MED23: variants seen among roughly 807,000 people sequenced by gnomAD.
MED23 encodes mediator of RNA polymerase II transcription subunit 23.
MED23 carries 105 observed loss-of-function variants against 163.9 expected under a neutral mutation model. That is an observed-to-expected ratio of 0.64 (90% CI 0.55 to 0.75). MED23 has a LOEUF of 0.75. MED23 is among the 30% of genes least tolerant of loss of function. The pLI is 0.00. For synonymous variants in MED23, 561 were observed against 565.6 expected, an observed-to-expected ratio of 0.99 and a Z score of 0.12; for missense variants, 1,054 against 1,649.0, an observed-to-expected ratio of 0.64 and a Z score of 6.25.
At chr6:131,581,542 G>A (rs1562359311) in intron 30 of MED23, among the ~76,000 whole-genome samples, 2 of 152,144 alleles carry the variant, frequency 1.3e-5, no homozygotes, top group Non-Finnish European at 2.9e-5. Flanking sequence ...AGGCAGTGAG[G>A]CTCTCTATCT....
chr6:131,591,477 G>A lies in MED23; in HGVS notation c.3522C>T (p.Ser1174=), dbSNP rs1321971937. The A allele has an allele frequency of 6.2e-7, 1 of 1,613,868 alleles. No individual in the cohort carries two copies. Among genetic ancestry groups the A allele is most frequent in the Non-Finnish European group, 8.5e-7 (1 of 1,179,838 alleles). Reference sequence around the variant, plus strand: ...ACTCTGTTTCAGACGTCAAGCTGGGGCTGCTGATGACACTCACAATTCGAT... The same window carrying A: ...ACTCTGTTTCAGACGTCAAGCTGGGACTGCTGATGACACTCACAATTCGAT... ...LHDRIVSVIS[S]PSLTSETEWV... Residue 1174 remains serine (S), a synonymous_variant, in exon 26 of 29, where the codon AGC becomes AGT. Coordinates refer to ENST00000368068, the MANE Select transcript of MED23 (RefSeq NM_004830.4).
At chr6:131,615,354 A>T (rs1316166923) in intron 10 of MED23, 1 of 1,610,962 alleles carries the variant, frequency 6.2e-7, no homozygotes, top group African/African-American at 1.3e-5. Flanking sequence ...AGAGCATTGG[A>T]GGATGGGCAG....
At chr6:131,586,260 C>T (rs192597623), downstream of MED23, among the ~76,000 whole-genome samples, 164 of 152,002 alleles carry the variant, frequency 1.1e-3, no homozygotes, top group African/African-American at 3.5e-3. Context: ...ATTAGCCAGG[C>T]GTGGTGGCAG....
At chr6:131,583,832 C>G, downstream of MED23, 1 of 1,614,160 alleles carries the variant, frequency 6.2e-7, no homozygotes, top group Non-Finnish European at 8.5e-7. Context: ...ACAGCAGTTG[C>G]AATAACCTTG....
intron 12 of MED23, among the ~76,000 whole-genome samples, chr6:131,607,039 TAAGA>T (rs1775902045): frequency 6.6e-6 from 1 of 152,066 alleles, no homozygotes. Context: ...GATAAAAATC[TAAGA>T]AATACGCAAC....
chr6:131,587,920 C>T (rs759012896), intron 28 of MED23, 74 bp from the exon 29 acceptor site: 1 of 1,311,178 alleles, frequency 7.6e-7, no homozygotes, highest in Non-Finnish European at 1.1e-6. Context: ...GCAGGATTTA[C>T]ACATATCCGG....
At chr6:131,579,439 T>C (rs1350143725) in intron 30 of MED23, 1 of 766,928 alleles carries the variant, frequency 1.3e-6, no homozygotes, top group Non-Finnish European at 2.0e-6. Flanking sequence ...AGGTTACTTT[T>C]ATTATAGAAA....
At chr6:131,617,018 AAC>A (rs1776740789) in intron 9 of MED23, among the ~76,000 whole-genome samples, 2 of 151,894 alleles carry the variant, frequency 1.3e-5, no homozygotes, top group East Asian at 3.9e-4. Context: ...AAGTAGATGA[AAC>A]AGTGATAAGC....
intron 30 of MED23, chr6:131,574,372 T>A: frequency 6.5e-7 from 1 of 1,542,170 alleles, no homozygotes; most frequent in Non-Finnish European, 9.0e-7. Context: ...CTACTTTGCT[T>A]CCCCTGGAAA....
At chr6:131,625,329 T>C (rs778689805) in intron 3 of MED23, among the ~76,000 whole-genome samples, 2 of 152,224 alleles carry the variant, frequency 1.3e-5, no homozygotes, top group Non-Finnish European at 2.9e-5. Context: ...CTTTATGGCA[T>C]ATATAAATAT....
intron 1 of MED23, 124 bp from the exon 2 acceptor site, chr6:131,627,796 G>A (rs974470713): frequency 4.4e-5 from 46 of 1,054,538 alleles, no homozygotes; most frequent in Non-Finnish European, 6.4e-5. Context: ...ATCAATACCT[G>A]TCTGGCCTGT....
At position 131,598,224 on chromosome 6, in the gene MED23, T is replaced by C; in HGVS notation, c.2607+63A>G. 6.8e-7 allele frequency: 1 copy of C among 1,459,916 alleles called. No individual in the cohort carries two copies. Among genetic ancestry groups the C allele is most frequent in the Non-Finnish European group, 9.6e-7 (1 of 1,041,176 alleles). The allele number at this position is 1,459,916 out of a possible 1,614,324, so 90.4% of individuals were successfully genotyped here. On this transcript the variant is annotated intron_variant, in intron 20 of 28. Transcript: ENST00000368068. This position sits in a 1 kb window ranked among gnomAD's most constrained non-coding sequence, Gnocchi z 4.7. ...CAAAGCAATATAGAGCAGATTGGCA[T>C]AACATATATTAGTCATACATCTTGA...
chr6:131,609,733 C>CATATATATATATGT (rs200268696), intron 11 of MED23, among the ~76,000 whole-genome samples: 1 of 144,728 alleles, frequency 6.9e-6, no homozygotes, highest in Admixed American at 7.0e-5. Flanking sequence ...TATACACATA[C>CATATATATATATGT]ATATATATAT....
chr6:131,623,236 TAGAC>T (rs1777238250), intron 5 of MED23, 111 bp downstream of exon 5: 2 of 884,628 alleles, frequency 2.3e-6, no homozygotes, highest in Middle Eastern at 4.5e-4. Context: ...CCACAAGAAA[TAGAC>T]AGATTTTGTA....
At chr6:131,595,558 A>G (rs1774983357) in intron 22 of MED23, among the ~76,000 whole-genome samples, 1 of 152,306 alleles carries the variant, frequency 6.6e-6, no homozygotes, top group South Asian at 2.1e-4. Context: ...AGAATTTTCA[A>G]TTCAACCCAA....
Position 131,598,593 on chromosome 6 carries a change from G to C in MED23, c.2389C>G (p.Leu797Val). The C allele has an allele frequency of 6.2e-7, 1 of 1,614,124 alleles. No individual in the cohort carries two copies. Among genetic ancestry groups the C allele is most frequent in the East Asian group, 2.2e-5 (1 of 44,860 alleles). The change falls in exon 19 of 29, where the codon CTC becomes GTC. Residue 797 changes from leucine (L) to valine (V), a missense_variant. Physicochemically the swap from Leu to Val is conservative, Grantham distance 32. Around this residue, in one of 11 missense-constraint regions of MED23, gnomAD observed 228 missense variants for 461.3 expected, o/e 0.49. Transcript: ENST00000368068. This position sits in a 1 kb window ranked among gnomAD's most constrained non-coding sequence, Gnocchi z 4.7. ...PLFLCLLWKM[L>V]LETDHINQIG... Reference sequence around the variant, plus strand: ...TGATTAATATGATCTGTTTCCAAGAGCATTTTCCAGAGAAGACAAAGAAAG... The same window carrying C: ...TGATTAATATGATCTGTTTCCAAGACCATTTTCCAGAGAAGACAAAGAAAG...
intron 30 of MED23, among the ~76,000 whole-genome samples, chr6:131,580,941 C>T (rs540865287): frequency 1.3e-4 from 20 of 152,180 alleles, no homozygotes; most frequent in African/African-American, 4.8e-4. Context: ...TTTTTGGCTA[C>T]GCTCTAATCG....
chr6:131,592,029 A>G (rs1293559827), intron 25 of MED23: 2 of 261,022 alleles, frequency 7.7e-6, no homozygotes, highest in Middle Eastern at 1.3e-3. Flanking sequence ...AAGTACCTAA[A>G]ACATGTCTTA....
At chr6:131,583,267 A>ACTT (rs1774031650), downstream of MED23, 6 of 1,605,960 alleles carry the variant, frequency 3.7e-6, no homozygotes, top group South Asian at 6.6e-5. Context: ...ATGGGTTGCT[A>ACTT]CTTTTTATAA....
Sources: allele counts gnomAD v4.1 joint callset (sites outside exome capture counted in the v4.1 genomes callset), GRCh38; gene constraint gnomAD v4.1.1; regional missense constraint gnomAD v4.1.1; non-coding constraint Gnocchi (gnomAD v3.1); transcripts MANE v1.5; gene names NCBI Gene and HGNC (gene_info 2026-07-23, HGNC 2026-07-21).